Variants in CFAP299 observed in about 807,000 individuals in gnomAD.
CFAP299 encodes the protein cilia and flagella associated protein 299.
A neutral mutation model predicts 27.0 loss-of-function variants in CFAP299; 21 were observed. The ratio of observed to expected loss-of-function variants is 0.78; its 90% CI spans 0.55 to 1.12. The LOEUF (loss-of-function observed/expected upper bound fraction) is 1.12. CFAP299 is among the 50% of genes most tolerant of loss of function. CFAP299 has a pLI of 0.00. For synonymous variants in CFAP299, 104 were observed against 98.1 expected (o/e 1.06, Z -0.36); for missense variants, 310 against 276.6 (o/e 1.12, Z -0.86).
chr4:80,860,756 C>T (rs1732282156), intron 3 of CFAP299, among the ~76,000 whole-genome samples: 3 of 152,140 alleles, frequency 2.0e-5, no homozygotes, highest in South Asian at 2.1e-4. Flanking sequence ...GCTCTCTGAT[C>T]GTTCCTCTGG....
intron 2 of CFAP299, among the ~76,000 whole-genome samples, chr4:80,557,064 C>G (rs1734817932): frequency 6.6e-6 from 1 of 151,974 alleles, no homozygotes; most frequent in Non-Finnish European, 1.5e-5. Context: ...TTTTCACAAC[C>G]TTTTTAAATT....
chr4:80,481,233 A>G (rs1730551971), intron 2 of CFAP299, among the ~76,000 whole-genome samples: 1 of 152,100 alleles, frequency 6.6e-6, no homozygotes, highest in South Asian at 2.1e-4. Flanking sequence ...GCTATTGTGA[A>G]GTGAAGTTCC....
At chr4:80,567,661 G>A (rs1294313181) in intron 2 of CFAP299, among the ~76,000 whole-genome samples, 4 of 151,724 alleles carry the variant, frequency 2.6e-5, no homozygotes, top group African/African-American at 9.7e-5. Flanking sequence ...AAGGAAAGGA[G>A]CTGAAATTGT....
intron 5 of CFAP299, among the ~76,000 whole-genome samples, chr4:80,954,888 T>C (rs538697193): frequency 6.7e-5 from 10 of 149,828 alleles, no homozygotes; most frequent in Non-Finnish European, 1.2e-4. Context: ...CAGTCCCAGC[T>C]ACTTGGGAGG....
intron 1 of CFAP299, among the ~76,000 whole-genome samples, chr4:80,351,543 A>G (rs554840382): frequency 6.6e-6 from 1 of 152,182 alleles, no homozygotes; most frequent in East Asian, 1.9e-4. Flanking sequence ...AGAAAGCAAA[A>G]ATAATCAAAT....
At chr4:80,622,923 A>G (rs1033329825) in intron 3 of CFAP299, among the ~76,000 whole-genome samples, 1 of 152,190 alleles carries the variant, frequency 6.6e-6, no homozygotes, top group Non-Finnish European at 1.5e-5. Flanking sequence ...GGAGGTTAGC[A>G]TTATATTTGT....
chr4:80,356,136 A>T (rs997353651), intron 1 of CFAP299, among the ~76,000 whole-genome samples: 7 of 151,322 alleles, frequency 4.6e-5, no homozygotes, highest in Non-Finnish European at 7.4e-5. Context: ...TTTATCAAAG[A>T]TTAGATGGTT....
chr4:80,589,846 A>G (rs1339701620), intron 3 of CFAP299, among the ~76,000 whole-genome samples: 1 of 152,252 alleles, frequency 6.6e-6, no homozygotes, highest in East Asian at 1.9e-4. Context: ...TGATGGCAGT[A>G]GAGTACATTG....
chr4:80,420,706 T>A (rs1313889909), intron 2 of CFAP299, among the ~76,000 whole-genome samples: 1 of 152,196 alleles, frequency 6.6e-6, no homozygotes, highest in Admixed American at 6.5e-5. Context: ...TTTCTCCCAG[T>A]CTGGAGTTTG....
At chr4:80,365,230 T>C (rs1421298836) in intron 2 of CFAP299, among the ~76,000 whole-genome samples, 1 of 152,200 alleles carries the variant, frequency 6.6e-6, no homozygotes, top group Non-Finnish European at 1.5e-5. Context: ...AAGTGTTCCT[T>C]TTTCTCCACA....
At chr4:80,463,455 A>G (rs1483391645) in intron 2 of CFAP299, among the ~76,000 whole-genome samples, 1 of 152,182 alleles carries the variant, frequency 6.6e-6, no homozygotes, top group Non-Finnish European at 1.5e-5. Flanking sequence ...CTAGTTCTTC[A>G]TATATTATAT....
intron 3 of CFAP299, among the ~76,000 whole-genome samples, chr4:80,830,414 C>T (rs1443537006): frequency 6.6e-6 from 1 of 152,062 alleles, no homozygotes; most frequent in Non-Finnish European, 1.5e-5. Flanking sequence ...TAGTTATACT[C>T]TCTGAGGAGA....
chr4:80,955,157 T>A (rs1189603823), intron 5 of CFAP299, among the ~76,000 whole-genome samples: 1 of 152,090 alleles, frequency 6.6e-6, no homozygotes, highest in East Asian at 1.9e-4. Flanking sequence ...TAAAATACTT[T>A]GGAGCAGTTG....
chr4:80,674,758 T>G (rs1341497977), intron 3 of CFAP299, among the ~76,000 whole-genome samples: 1 of 152,188 alleles, frequency 6.6e-6, no homozygotes, highest in Admixed American at 6.5e-5. Context: ...TCCTCTTGCT[T>G]TATTTTATTA....
At chr4:80,552,207 A>G (rs1734557352) in intron 2 of CFAP299, among the ~76,000 whole-genome samples, 1 of 152,216 alleles carries the variant, frequency 6.6e-6, no homozygotes, top group Non-Finnish European at 1.5e-5. Context: ...GGTGACATCT[A>G]CTAATAGAGA....
chr4:80,516,017 C>CTT (rs34249511), intron 2 of CFAP299, among the ~76,000 whole-genome samples: 60 of 119,506 alleles, frequency 5.0e-4, no homozygotes, highest in Non-Finnish European at 6.4e-4. Flanking sequence ...TTCTGCATTT[C>CTT]TTTTTTTTTT....
chr4:80,752,798 C>T (rs1334868083), intron 3 of CFAP299, among the ~76,000 whole-genome samples: 1 of 151,850 alleles, frequency 6.6e-6, no homozygotes, highest in Non-Finnish European at 1.5e-5. Flanking sequence ...CCCTTTAAAT[C>T]TATTCTATTG....
chr4:80,891,765 T>TAAA (rs34162187), intron 4 of CFAP299, among the ~76,000 whole-genome samples: 11 of 59,070 alleles, frequency 1.9e-4, no homozygotes, highest in African/African-American at 8.4e-4. Context: ...TAGAGTATAA[T>TAAA]AAAAAAAAAA....
chr4:80,551,441 T>G (rs916384261), intron 2 of CFAP299, among the ~76,000 whole-genome samples: 1 of 152,068 alleles, frequency 6.6e-6, no homozygotes, highest in Non-Finnish European at 1.5e-5. Context: ...TATAGAAAGA[T>G]AGAGGTAAAA....
Sources: gnomAD v4.1 joint callset for allele counts (sites outside exome capture counted in the v4.1 genomes callset) on GRCh38, gnomAD v4.1.1 for gene constraint, MANE v1.5 for transcripts, NCBI Gene and HGNC (gene_info 2026-07-23, HGNC 2026-07-21) for gene names.